Variants in ADCY9 observed in about 807,000 individuals in gnomAD.
ADCY9 encodes adenylate cyclase 9, also known as adenylate cyclase type 9.
A neutral mutation model predicts 101.5 loss-of-function variants in ADCY9; 50 were observed. The observed-to-expected ratio is 0.49, with a 90% CI of 0.39 to 0.62. The LOEUF is 0.62. Among genes scored for constraint, ADCY9 ranks in the 20% least tolerant of loss-of-function variants. ADCY9 has a pLI of 0.00. For synonymous variants in ADCY9, 905 were observed against 769.3 expected, an observed-to-expected ratio of 1.18 and a Z score of -2.92; for missense variants, 1,662 against 1,800.4, an observed-to-expected ratio of 0.92 and a Z score of 1.39.
Position 3,965,834 on chromosome 16 carries a change from C to G in ADCY9, c.4003G>C (p.Glu1335Gln), listed in dbSNP as rs374081146. ...TCGTTGGCTTCTTCTATTCCTGTTT[C>G]GTCACAGTCGTCTTTCTCTATGGCT... ...GKAIEKDDCD[E>Q]TGIEEANELT... The change falls in exon 11 of 11, where the codon GAA becomes CAA. Residue 1335 changes from glutamate to glutamine, a missense_variant. By Grantham distance (29) the Glu-to-Gln change is conservative. Transcript: ENST00000294016. 1 of 1,614,166 alleles carries G rather than the reference C, an allele frequency of 6.2e-7. No homozygotes were observed. Among genetic ancestry groups the G allele is most frequent in the Admixed American group, 1.7e-5 (1 of 60,010 alleles).
Position 4,116,406 on chromosome 16 carries a change from G to A in ADCY9, c.-760C>T, listed in dbSNP as rs2057152849. Among the ~76,000 whole-genome samples the A allele has an allele frequency of 3.4e-5, 5 of 145,884 alleles. No individual in the cohort carries two copies. The highest frequency in any genetic ancestry group is 3.4e-4 in the Admixed American group (5 of 14,750). Reference sequence around the variant, plus strand: ...GCCTCATGTCGGAAGAGCTGCCGCCGCCACCATCTCCGGCCCCTGCCCCGC... The same window carrying A: ...GCCTCATGTCGGAAGAGCTGCCGCCACCACCATCTCCGGCCCCTGCCCCGC... On this transcript the variant is annotated 5_prime_UTR_variant, in exon 1 of 11. Transcript: ENST00000294016.
intron 6 of ADCY9, among the ~76,000 whole-genome samples, chr16:3,985,366 G>C (rs542583333): frequency 6.6e-6 from 1 of 152,004 alleles, no homozygotes; most frequent in Non-Finnish European, 1.5e-5. Flanking sequence ...TCTCTATCTC[G>C]ACCTCGTGAT....
chr16:4,091,652 A>G (rs930781454), intron 2 of ADCY9, among the ~76,000 whole-genome samples: 2 of 152,272 alleles, frequency 1.3e-5, no homozygotes, highest in African/African-American at 4.8e-5. Context: ...GTACTACTCC[A>G]TGCCACAACA....
At chr16:3,959,777 G>C (rs564739942), downstream of ADCY9, among the ~76,000 whole-genome samples, 1 of 152,300 alleles carries the variant, frequency 6.6e-6, no homozygotes, top group South Asian at 2.1e-4. Context: ...TGTAATCCTA[G>C]CACTCTGTGA....
At chr16:4,020,816 A>C (rs2056471174) in intron 2 of ADCY9, among the ~76,000 whole-genome samples, 1 of 104,440 alleles carries the variant, frequency 9.6e-6, no homozygotes. Context: ...ACAGAGCGAG[A>C]CTCCGTCTCA....
In ADCY9 at chr16:4,115,168, T is replaced by C; in HGVS notation, c.275A>G (p.Asp92Gly). 2 of 1,613,688 alleles carry C rather than the reference T, an allele frequency of 1.2e-6. No homozygotes were observed. Among genetic ancestry groups the C allele is most frequent in the Non-Finnish European group, 1.7e-6 (2 of 1,179,964 alleles). ...CAGGTTCACCGAGTCGAACTTGGGG[T>C]CCCACCAGCGGCTGGAGGCCCTCTC... Reference protein sequence around the residue: ...LFERASSRWWDPKFDSVNLEE... With the variant: ...LFERASSRWWGPKFDSVNLEE... Residue 92 changes from aspartate (D) to glycine (G), a missense_variant, in exon 2 of 11, where the codon GAC becomes GGC. Coordinates refer to ENST00000294016, the MANE Select transcript of ADCY9 (RefSeq NM_001116.4). The surrounding 1 kb of genome is among the most constrained non-coding windows in gnomAD (Gnocchi z 6.2).
At chr16:4,106,538 G>A (rs1211074952) in intron 2 of ADCY9, among the ~76,000 whole-genome samples, 2 of 152,210 alleles carry the variant, frequency 1.3e-5, no homozygotes, top group Non-Finnish European at 2.9e-5. Flanking sequence ...CACAGGCAAA[G>A]TACAAATGAT....
At chr16:4,017,456 C>T (rs1409906154) in intron 2 of ADCY9, among the ~76,000 whole-genome samples, 1 of 149,102 alleles carries the variant, frequency 6.7e-6, no homozygotes, top group Non-Finnish European at 1.5e-5. Context: ...CCAGCCTGAC[C>T]AACATGGTAA....
rs751743531 is a variant in ADCY9 at position 3,966,460 on chromosome 16, T to C, written c.3377A>G (p.Gln1126Arg). ...AASGLNTAQA[Q>R]DGSHPQEHLQ... ...GTGCTCCTGCGGGTGGCTGCCGTCC[T>C]GGGCCTGCGCGGTGTTCAGCCCTGA... Residue 1126 changes from glutamine to arginine, a missense_variant, in exon 11 of 11, where the codon CAG (glutamine) becomes CGG (arginine). By Grantham distance (43) the Gln-to-Arg change is conservative. This residue lies in a region of ADCY9 where 220 missense variants were observed against 312.9 expected (regional missense o/e 0.70). Coordinates refer to ENST00000294016, the MANE Select transcript of ADCY9 (RefSeq NM_001116.4). 24 of 1,614,022 alleles carry C rather than the reference T, an allele frequency of 1.5e-5. No homozygotes were observed. In the African/African-American group the frequency reaches 3.2e-4, roughly 22 times the overall value.
intron 2 of ADCY9, among the ~76,000 whole-genome samples, chr16:4,056,358 A>T (rs959315662): frequency 5.3e-5 from 8 of 152,132 alleles, no homozygotes; most frequent in African/African-American, 1.9e-4. Flanking sequence ...GGCTCCAGGG[A>T]TTCTCCTGCC....
Position 3,966,972 on chromosome 16 carries a change from G to A in ADCY9, c.2871-6C>T. ...TGCACGGGTTCCTCTCGGAACTGGA[G>A]AGCAAAGACACGGGAAAGGGAGAGG... On this transcript the variant is annotated splice_region_variant and splice_polypyrimidine_tract_variant and intron_variant, in intron 10 of 10. Coordinates refer to ENST00000294016, the MANE Select transcript of ADCY9 (RefSeq NM_001116.4). The A allele has an allele frequency of 6.2e-7, 1 of 1,605,384 alleles. No individual in the cohort carries two copies. Among genetic ancestry groups the A allele is most frequent in the East Asian group, 2.2e-5 (1 of 44,772 alleles).
chr16:3,968,872 G>T (rs1316048805), intron 10 of ADCY9, among the ~76,000 whole-genome samples: 2 of 151,630 alleles, frequency 1.3e-5, no homozygotes, highest in Non-Finnish European at 2.9e-5. Context: ...TTGAGAAGGA[G>T]TCTCGCTTTG....
At chr16:4,046,960 T>C (rs966965094) in intron 2 of ADCY9, among the ~76,000 whole-genome samples, 4 of 152,060 alleles carry the variant, frequency 2.6e-5, no homozygotes, top group African/African-American at 9.7e-5. Flanking sequence ...CAGTAAGCTA[T>C]AAGTACGCCA....
chr16:3,979,348 G>A (rs1303756151), intron 7 of ADCY9, 73 bp from the exon 8 acceptor site: 1 of 1,545,012 alleles, frequency 6.5e-7, no homozygotes, highest in Non-Finnish European at 8.8e-7. Context: ...CAGGTGCGAG[G>A]CCGCAGCCAG....
At chr16:3,993,800 AG>A (rs1258690243) in intron 3 of ADCY9, among the ~76,000 whole-genome samples, 1 of 152,228 alleles carries the variant, frequency 6.6e-6, no homozygotes, top group Non-Finnish European at 1.5e-5. Context: ...GATATTACTC[AG>A]CCACGAAAAA....
chr16:4,115,228 C>T lies in ADCY9; in HGVS notation c.215G>A (p.Arg72Gln), dbSNP rs543810324. Residue 72 changes from arginine (R) to glutamine (Q), a missense_variant, in exon 2 of 11, where the codon CGG (arginine) becomes CAG (glutamine). Around this residue, in one of 5 missense-constraint regions of ADCY9, gnomAD observed 422 missense variants for 392.0 expected, o/e 1.08. Coordinates refer to ENST00000294016, the MANE Select transcript of ADCY9 (RefSeq NM_001116.4). This position sits in a 1 kb window ranked among gnomAD's most constrained non-coding sequence, Gnocchi z 6.2. ...GVPRRVGGGG[R>Q]LRRQKKLPQL... ...GGGCAGCTTCTTCTGCCTGCGCAGC[C>T]GGCCTCCGCCGCCCACTCGCCGGGG... is the stretch of plus-strand genomic sequence containing the variant. 1 of 1,613,222 alleles carries T rather than the reference C, an allele frequency of 6.2e-7. No homozygotes were observed. The highest frequency in any genetic ancestry group is 1.7e-5 in the Admixed American group (1 of 59,952).
At chr16:4,059,388 A>G (rs927041350) in intron 2 of ADCY9, among the ~76,000 whole-genome samples, 16 of 151,370 alleles carry the variant, frequency 1.1e-4, no homozygotes, top group Non-Finnish European at 2.1e-4. Flanking sequence ...CGAAAAAAAA[A>G]AAAAAAGAAA....
intron 2 of ADCY9, among the ~76,000 whole-genome samples, chr16:4,035,009 T>C (rs1444174780): frequency 2.4e-4 from 36 of 151,544 alleles, no homozygotes. Context: ...ACCGCCTAGT[T>C]TAAGTTTATG....
rs2141671514 is a variant in ADCY9 at position 3,966,851 on chromosome 16, G to C, written c.2986C>G (p.Leu996Val). 6.2e-7 allele frequency: 1 copy of C among 1,614,242 alleles called. No homozygotes were observed. Residue 996 changes from leucine to valine, a missense_variant, in exon 11 of 11, where the codon CTG becomes GTG. By Grantham distance (32) the Leu-to-Val change is conservative (BLOSUM62 1). This residue lies in a region of ADCY9 where 624 missense variants were observed against 639.1 expected (regional missense o/e 0.98). Coordinates refer to ENST00000294016, the MANE Select transcript of ADCY9 (RefSeq NM_001116.4). ...TAGCTGACTTCAAATTCGCGATTCA[G>C]GAACCAGACCAACAAGAGCAGGAGA... ...FFLLLLLVWF[L>V]NREFEVSYRL...
Sources: allele counts gnomAD v4.1 joint callset (sites outside exome capture counted in the v4.1 genomes callset), GRCh38; gene constraint gnomAD v4.1.1; regional missense constraint gnomAD v4.1.1; non-coding constraint Gnocchi (gnomAD v3.1); transcripts MANE v1.5; gene names NCBI Gene and HGNC (gene_info 2026-07-23, HGNC 2026-07-21).